Variants in TSHZ2 observed in about 807,000 individuals in gnomAD.
TSHZ2 encodes teashirt zinc finger homeobox 2, also known as teashirt homolog 2.
TSHZ2 carries 21 observed loss-of-function variants against 74.4 expected under a neutral mutation model. That is an observed-to-expected ratio of 0.28 (90% CI 0.20 to 0.41). TSHZ2 has a LOEUF of 0.41. Among genes scored for constraint, TSHZ2 ranks in the 10% least tolerant of loss-of-function variants. The probability of loss-of-function intolerance (pLI) is 1.00; values close to 1 mark genes in which losing one functional copy is unlikely to be tolerated. For synonymous variants in TSHZ2, 540 were observed against 515.3 expected (o/e 1.05, Z -0.65); for missense variants, 1,244 against 1,293.5 (o/e 0.96, Z 0.59).
chr20:53,300,990 C>T (rs1991466934), intron 2 of TSHZ2, among the ~76,000 whole-genome samples: 1 of 152,158 alleles, frequency 6.6e-6, no homozygotes, highest in Non-Finnish European at 1.5e-5. Context: ...GAGTCTCCCT[C>T]TGTCACCCAG....
In TSHZ2 at chr20:53,260,263, T is replaced by G. The variant is rs1600774308; in HGVS notation, c.*8+3692T>G. 2.0e-5 allele frequency among the ~76,000 whole-genome samples: 3 copies of G among 152,374 alleles called. No homozygotes were observed. The East Asian group carries it at 5.8e-4, about 29-fold the overall frequency. ...ACTTTGCAAACATTATTTTGCTTTA[T>G]TCTCACAAACAGCCGTATGAAGTAG... On this transcript the variant is annotated intron_variant, in intron 2 of 2. Transcript: ENST00000371497.
At chr20:53,252,184 CT>C in intron 1 of TSHZ2, among the ~76,000 whole-genome samples, 1 of 152,348 alleles carries the variant, frequency 6.6e-6, no homozygotes, top group Non-Finnish European at 1.5e-5. Flanking sequence ...CTGATTGTAG[CT>C]GCTTTATCCT....
At chr20:53,135,562 A>G (rs1205700137) in intron 1 of TSHZ2, among the ~76,000 whole-genome samples, 2 of 152,146 alleles carry the variant, frequency 1.3e-5, no homozygotes, top group South Asian at 2.1e-4. Flanking sequence ...GAGATTTCCT[A>G]TGGTGCTGGT....
chr20:53,468,918 T>C (rs1418155718), intron 2 of TSHZ2, among the ~76,000 whole-genome samples: 2 of 149,968 alleles, frequency 1.3e-5, no homozygotes, highest in Non-Finnish European at 3.0e-5. Flanking sequence ...TCATGTCCCC[T>C]TATTCTTCAA....
chr20:53,175,298 G>T (rs528276434), intron 1 of TSHZ2, among the ~76,000 whole-genome samples: 11 of 151,578 alleles, frequency 7.3e-5, no homozygotes, highest in Admixed American at 2.0e-4. Flanking sequence ...CCACCACCAC[G>T]CCTGGCTAAT....
intron 2 of TSHZ2, among the ~76,000 whole-genome samples, chr20:53,282,352 C>A (rs1197941357): frequency 6.6e-6 from 1 of 152,212 alleles, no homozygotes; most frequent in African/African-American, 2.4e-5. Flanking sequence ...ATCAGAGAAG[C>A]CTGGCCTCTG....
At chr20:53,198,556 T>A (rs1240168426) in intron 1 of TSHZ2, among the ~76,000 whole-genome samples, 1 of 152,196 alleles carries the variant, frequency 6.6e-6, no homozygotes, top group Non-Finnish European at 1.5e-5. Context: ...CCAAGTCAAA[T>A]GGGAAATTTT....
At chr20:53,307,220 C>T (rs904974641) in intron 2 of TSHZ2, among the ~76,000 whole-genome samples, 1 of 152,160 alleles carries the variant, frequency 6.6e-6, no homozygotes, top group African/African-American at 2.4e-5. Flanking sequence ...ACTTGATTCC[C>T]AAACCTCCCC....
intron 2 of TSHZ2, among the ~76,000 whole-genome samples, chr20:53,396,847 G>GAAAA (rs3042187): frequency 5.1e-5 from 6 of 116,674 alleles, no homozygotes; most frequent in African/African-American, 1.5e-4. Context: ...GCAATACCCT[G>GAAAA]AAAAAAAAAA....
chr20:53,426,083 A>G (rs964236594), intron 2 of TSHZ2, among the ~76,000 whole-genome samples: 3 of 152,230 alleles, frequency 2.0e-5, no homozygotes, highest in African/African-American at 7.2e-5. Flanking sequence ...AGCCCAGGAT[A>G]AACAGGGGAG....
intron 1 of TSHZ2, among the ~76,000 whole-genome samples, chr20:53,019,886 T>G (rs113803096): frequency 0.076 from 11,621 of 152,228 alleles, 834 homozygotes; most frequent in East Asian, 0.37. Flanking sequence ...TTCACACTGC[T>G]ATAAAGATAC....
chr20:53,299,553 G>A (rs140003318), intron 2 of TSHZ2, among the ~76,000 whole-genome samples: 11 of 152,174 alleles, frequency 7.2e-5, no homozygotes, highest in East Asian at 5.8e-4. Flanking sequence ...TTCTAAGTCC[G>A]ATTATTCTCT....
chr20:53,233,997 C>G (rs1989884975), intron 1 of TSHZ2, among the ~76,000 whole-genome samples: 1 of 152,158 alleles, frequency 6.6e-6, no homozygotes, highest in Admixed American at 6.5e-5. Flanking sequence ...ATAGCCCAGG[C>G]CCTGCATGGT....
chr20:53,435,367 A>G (rs1417382970), intron 2 of TSHZ2, among the ~76,000 whole-genome samples: 1 of 152,218 alleles, frequency 6.6e-6, no homozygotes, highest in East Asian at 1.9e-4. Flanking sequence ...CACTGCTAAG[A>G]TGACTGTTTC....
chr20:53,004,401 T>G (rs1476905004), intron 1 of TSHZ2, among the ~76,000 whole-genome samples: 2 of 152,164 alleles, frequency 1.3e-5, no homozygotes, highest in East Asian at 3.9e-4. Context: ...GGCCAAGACG[T>G]AAGATGATAC....
At chr20:53,166,788 A>C (rs991763721) in intron 1 of TSHZ2, among the ~76,000 whole-genome samples, 1 of 152,118 alleles carries the variant, frequency 6.6e-6, no homozygotes, top group Non-Finnish European at 1.5e-5. Flanking sequence ...ATAATAATAA[A>C]ATAAAAAATC....
chr20:53,200,150 C>T (rs917249337), intron 1 of TSHZ2, among the ~76,000 whole-genome samples: 11 of 152,112 alleles, frequency 7.2e-5, no homozygotes, highest in Admixed American at 1.3e-4. Context: ...CAATGGATGG[C>T]GAGGAAGAGC....
At chr20:53,238,250 G>T (rs1200574654) in intron 1 of TSHZ2, among the ~76,000 whole-genome samples, 1 of 152,084 alleles carries the variant, frequency 6.6e-6, no homozygotes, top group Non-Finnish European at 1.5e-5. Context: ...TCGAACAGTG[G>T]GGTCTTTGAT....
intron 2 of TSHZ2, among the ~76,000 whole-genome samples, chr20:53,369,838 C>G (rs1452602445): frequency 6.6e-6 from 1 of 152,156 alleles, no homozygotes; most frequent in Non-Finnish European, 1.5e-5. Flanking sequence ...TCATGAAAAG[C>G]TTGTTAGGGC....
Sources: gnomAD v4.1 joint callset for allele counts (sites outside exome capture counted in the v4.1 genomes callset) on GRCh38, gnomAD v4.1.1 for gene constraint, MANE v1.5 for transcripts, NCBI Gene and HGNC (gene_info 2026-07-23, HGNC 2026-07-21) for gene names.